ADAMTS17: variants seen among roughly 807,000 people sequenced by gnomAD.
ADAMTS17 encodes ADAM metallopeptidase with thrombospondin type 1 motif 17, also known as A disintegrin and metalloproteinase with thrombospondin motifs 17.
Under a neutral mutation model 141.5 loss-of-function variants are expected in ADAMTS17, and 113 were observed. That is an observed-to-expected ratio of 0.80 (90% CI 0.69 to 0.93). The LOEUF (loss-of-function observed/expected upper bound fraction) is 0.93, where lower values mean the gene tolerates loss of function less well. Among genes scored for constraint, ADAMTS17 ranks in the 40% least tolerant of loss-of-function variants. ADAMTS17 has a pLI of 0.00. For synonymous variants in ADAMTS17, 768 were observed against 630.6 expected, an observed-to-expected ratio of 1.22 and a Z score of -3.27; for missense variants, 1,659 against 1,517.9, an observed-to-expected ratio of 1.09 and a Z score of -1.54.
At chr15:100,079,723 G>A (rs2034608642) in intron 15 of ADAMTS17, among the ~76,000 whole-genome samples, 1 of 152,162 alleles carries the variant, frequency 6.6e-6, no homozygotes, top group African/African-American at 2.4e-5. Context: ...CTCCGGATAT[G>A]GGTTTGCCTA....
chr15:100,099,211 CTACTT>C (rs534957670), intron 14 of ADAMTS17, among the ~76,000 whole-genome samples: 259 of 152,322 alleles, frequency 1.7e-3, no homozygotes, highest in African/African-American at 6.0e-3. Flanking sequence ...TCTGCCCACT[CTACTT>C]GGTGTTATTT....
intron 7 of ADAMTS17, among the ~76,000 whole-genome samples, chr15:100,215,912 G>A (rs1295692186): frequency 1.3e-5 from 2 of 152,032 alleles, no homozygotes; most frequent in African/African-American, 4.8e-5. Flanking sequence ...AACCAAGACT[G>A]TGCTTACAAG....
intron 8 of ADAMTS17, among the ~76,000 whole-genome samples, chr15:100,156,075 A>G (rs1336880430): frequency 6.6e-6 from 1 of 152,240 alleles, no homozygotes; most frequent in African/African-American, 2.4e-5. Context: ...CGACAACAAA[A>G]AAGAACATGT....
intron 14 of ADAMTS17, among the ~76,000 whole-genome samples, chr15:100,100,121 G>T (rs1269884966): frequency 6.6e-6 from 1 of 152,150 alleles, no homozygotes; most frequent in Non-Finnish European, 1.5e-5. Context: ...TGCCTAACCT[G>T]GAAATAAAGA....
intron 15 of ADAMTS17, among the ~76,000 whole-genome samples, chr15:100,091,884 C>T (rs192711867): frequency 3.9e-5 from 6 of 152,236 alleles, no homozygotes; most frequent in African/African-American, 1.4e-4. Flanking sequence ...TACTATCTTA[C>T]GTTTCTCCCT....
In ADAMTS17 at chr15:100,200,452, A is replaced by G. The variant is rs546921450; in HGVS notation, c.1076-1029T>C. On this transcript the variant is annotated intron_variant, in intron 7 of 21. Transcript: ENST00000268070. ...CTGACTCTCCAGGGCTCCCCACCAC[A>G]GTACTCCCCGCACCCAGGAAAGACA... Among the ~76,000 whole-genome samples, 6 of 152,034 alleles carry G rather than the reference A, an allele frequency of 3.9e-5. No individual in the cohort carries two copies. In the East Asian group the frequency reaches 5.8e-4, roughly 15 times the overall value.
intron 5 of ADAMTS17, 120 bp downstream of exon 5, chr15:100,262,232 C>T: frequency 1.1e-6 from 1 of 892,268 alleles, no homozygotes; most frequent in Non-Finnish European, 1.8e-6. Flanking sequence ...GCTGGCAAAG[C>T]CACAGAGAGT....
chr15:100,061,406 T>G (rs977070373), intron 15 of ADAMTS17, among the ~76,000 whole-genome samples: 16 of 152,314 alleles, frequency 1.1e-4, no homozygotes, highest in Middle Eastern at 6.8e-3. Context: ...GCTCCGTGAC[T>G]GGGAGCCACT....
At chr15:100,028,133 G>A (rs2029863641) in intron 18 of ADAMTS17, among the ~76,000 whole-genome samples, 1 of 152,120 alleles carries the variant, frequency 6.6e-6, no homozygotes, top group African/African-American at 2.4e-5. Flanking sequence ...ATAATATCAT[G>A]GGAAGCTTAC....
chr15:100,339,068 T>C (rs2046289065), intron 2 of ADAMTS17: 1 of 985,490 alleles, frequency 1.0e-6, no homozygotes, highest in Non-Finnish European at 1.2e-6. Flanking sequence ...AACAGAAGTG[T>C]CTGCTCCGGC....
At chr15:100,116,713 G>A (rs1387091153) in intron 13 of ADAMTS17, 134 bp downstream of exon 13, 23 of 1,249,284 alleles carry the variant, frequency 1.8e-5, no homozygotes, top group Non-Finnish European at 2.7e-5. Flanking sequence ...GGCCGCAGCT[G>A]AGCTGGGCAG....
intron 12 of ADAMTS17, among the ~76,000 whole-genome samples, chr15:100,122,199 GTATTCTT>G (rs1305852275): frequency 6.6e-6 from 1 of 152,122 alleles, no homozygotes; most frequent in Non-Finnish European, 1.5e-5. Flanking sequence ...TGCTCTTCCT[GTATTCTT>G]TAGAGTTCTC....
intron 12 of ADAMTS17, among the ~76,000 whole-genome samples, chr15:100,127,753 C>T (rs796749379): frequency 4.1e-5 from 6 of 147,490 alleles, no homozygotes; most frequent in African/African-American, 1.5e-4. Flanking sequence ...GGCTAATTTT[C>T]GTACTTTTAG....
At position 100,133,227 on chromosome 15, in the gene ADAMTS17, C is replaced by T. The variant is rs2038148951; in HGVS notation, c.1562G>A (p.Cys521Tyr). 2.5e-6 allele frequency: 4 copies of T among 1,593,492 alleles called. No homozygotes were observed. The highest frequency in any genetic ancestry group is 2.2e-5 in the East Asian group (1 of 44,596). Residue 521 changes from cysteine to tyrosine, a missense_variant, in exon 11 of 22, where the codon TGT (cysteine) becomes TAT (tyrosine). By Grantham distance (194) the Cys-to-Tyr change is radical. Transcript: ENST00000268070. ...GTCAGAGGTTACCTTGTCTGCCCCA[C>T]ACTCGGTGCCATCCAGGGGAGGGTC... ...KLDPPLDGTE[C>Y]GADKWCRAGE...
chr15:99,976,300 C>A (rs181111582), intron 20 of ADAMTS17, 78 bp from the exon 21 acceptor site: 8 of 1,511,002 alleles, frequency 5.3e-6, no homozygotes, highest in East Asian at 2.5e-5. Context: ...TGTGGCACTG[C>A]GGAGACAGGA....
intron 7 of ADAMTS17, among the ~76,000 whole-genome samples, chr15:100,244,927 C>G (rs1179659109): frequency 6.6e-6 from 1 of 152,136 alleles, no homozygotes; most frequent in Non-Finnish European, 1.5e-5. Flanking sequence ...TCTACTCCCC[C>G]TCGTGTTTTC....
chr15:100,210,057 AC>A (rs2041743031), intron 7 of ADAMTS17, among the ~76,000 whole-genome samples: 1 of 151,608 alleles, frequency 6.6e-6, no homozygotes, highest in African/African-American at 2.4e-5. Context: ...ACACGGTGAA[AC>A]CCCGTCTCTA....
intron 15 of ADAMTS17, among the ~76,000 whole-genome samples, chr15:100,092,515 C>T (rs967543493): frequency 6.6e-6 from 1 of 152,338 alleles, no homozygotes; most frequent in African/African-American, 2.4e-5. Context: ...AAAAGAAATA[C>T]GTTGTAATTG....
chr15:100,196,746 G>A (rs1049995134), intron 8 of ADAMTS17, among the ~76,000 whole-genome samples: 17 of 152,240 alleles, frequency 1.1e-4, no homozygotes, highest in African/African-American at 3.9e-4. Flanking sequence ...TGCTGAGAGT[G>A]CAGGTTGGTC....
Sources: allele counts gnomAD v4.1 joint callset (sites outside exome capture counted in the v4.1 genomes callset), GRCh38; gene constraint gnomAD v4.1.1; transcripts MANE v1.5; gene names NCBI Gene and HGNC (gene_info 2026-07-23, HGNC 2026-07-21).